Variants in STAB2 observed in about 807,000 individuals in gnomAD.
STAB2 encodes stabilin 2, also known as stabilin-2.
Under a neutral mutation model 338.1 loss-of-function variants are expected in STAB2, and 288 were observed. The ratio of observed to expected loss-of-function variants is 0.85; its 90% CI spans 0.77 to 0.94. STAB2 has a LOEUF of 0.94. Ranked by LOEUF, STAB2 falls within the 40% of genes least tolerant of loss-of-function variation. The pLI is 0.00. For synonymous variants in STAB2, 1,202 were observed against 1,193.3 expected, an observed-to-expected ratio of 1.01 and a Z score of -0.15; for missense variants, 3,141 against 3,210.1, an observed-to-expected ratio of 0.98 and a Z score of 0.52.
intron 42 of STAB2, among the ~76,000 whole-genome samples, chr12:103,715,179 C>T (rs1003143259): frequency 2.0e-5 from 3 of 152,186 alleles, no homozygotes; most frequent in African/African-American, 7.2e-5. Context: ...GTTATACATT[C>T]AAGGCCCAAA....
chr12:103,657,578 TG>T (rs542295556), intron 15 of STAB2: 61 of 152,326 alleles, frequency 4.0e-4, no homozygotes, highest in African/African-American at 1.3e-3. Flanking sequence ...ATTTATAGCT[TG>T]AAATAAGCCT....
At chr12:103,764,935 T>TAAAAATACAG (rs71097997) in intron 68 of STAB2, among the ~76,000 whole-genome samples, 43,025 of 151,154 alleles carry the variant, frequency 0.28, 6,297 homozygotes, top group South Asian at 0.47. Context: ...CCATGTCTAC[T>TAAAAATACAG]AAATTAGGCA....
chr12:103,678,173 C>T (rs1472953333), intron 25 of STAB2, among the ~76,000 whole-genome samples: 6 of 152,298 alleles, frequency 3.9e-5, no homozygotes, highest in South Asian at 2.1e-4. Flanking sequence ...TCAGAACACA[C>T]GGAAGATGGG....
intron 54 of STAB2, 112 bp from the exon 55 acceptor site, chr12:103,740,518 C>A: frequency 7.0e-7 from 1 of 1,438,586 alleles, no homozygotes; most frequent in South Asian, 1.4e-5. Flanking sequence ...CACTGGAAGT[C>A]CCATTTTTTA....
chr12:103,679,345 G>A (rs1167222062), intron 25 of STAB2, among the ~76,000 whole-genome samples: 1 of 151,938 alleles, frequency 6.6e-6, no homozygotes, highest in Non-Finnish European at 1.5e-5. Flanking sequence ...TCCAGCCTGG[G>A]CAACAAGAGC....
Position 103,724,959 on chromosome 12 carries a change from T to C in STAB2, c.4684-16T>C. ...TGGTCTAATCCCCATCCCTTGCCCC[T>C]TGGCAATTTTACCAGAAAAATGGCG... is the stretch of plus-strand genomic sequence containing the variant. On this transcript the variant is annotated splice_polypyrimidine_tract_variant and intron_variant, in intron 44 of 68. Coordinates refer to ENST00000388887, the MANE Select transcript of STAB2 (RefSeq NM_017564.10). 6.2e-7 allele frequency: 1 copy of C among 1,612,776 alleles called. No homozygotes were observed. The highest frequency in any genetic ancestry group is 8.5e-7 in the Non-Finnish European group (1 of 1,178,804).
chr12:103,594,188 T>C (rs1180952862), intron 2 of STAB2, among the ~76,000 whole-genome samples: 2 of 152,240 alleles, frequency 1.3e-5, no homozygotes, highest in African/African-American at 4.8e-5. Context: ...GTATGTTCAT[T>C]GTTCTCTGAT....
chr12:103,642,546 G>A (rs1873003646), intron 9 of STAB2, among the ~76,000 whole-genome samples: 1 of 152,232 alleles, frequency 6.6e-6, no homozygotes, highest in South Asian at 2.1e-4. Flanking sequence ...ATGGTACAGT[G>A]GCAAGAGACA....
At chr12:103,645,897 G>T (rs1873293714) in intron 9 of STAB2, among the ~76,000 whole-genome samples, 2 of 151,948 alleles carry the variant, frequency 1.3e-5, no homozygotes, top group Non-Finnish European at 1.5e-5. Flanking sequence ...CTGGGGAGGG[G>T]GGGCAAAATT....
intron 53 of STAB2, among the ~76,000 whole-genome samples, chr12:103,738,274 C>A (rs1882315013): frequency 6.6e-6 from 1 of 152,170 alleles, no homozygotes; most frequent in Non-Finnish European, 1.5e-5. Flanking sequence ...ATTCATTTGA[C>A]AATATTGATT....
chr12:103,702,018 ACACACC>A (rs1322567641), intron 34 of STAB2, among the ~76,000 whole-genome samples: 9 of 132,268 alleles, frequency 6.8e-5, no homozygotes, highest in African/African-American at 2.3e-4. Context: ...ACACACACAC[ACACACC>A]CCACCCCAAT....
At chr12:103,763,210 AG>A in intron 67 of STAB2, 1 of 339,586 alleles carries the variant, frequency 2.9e-6, no homozygotes, top group East Asian at 5.6e-5. Flanking sequence ...CCTGGGTGGC[AG>A]GCACCAGCAG....
intron 5 of STAB2, 32 bp from the exon 6 acceptor site, chr12:103,631,566 G>A: frequency 6.3e-7 from 1 of 1,591,668 alleles, no homozygotes; most frequent in Non-Finnish European, 8.6e-7. Flanking sequence ...GTCTATGTCA[G>A]GTAATAAAAA....
Position 103,703,220 on chromosome 12 carries a change from A to G in STAB2, c.3787A>G (p.Lys1263Glu). The G allele has an allele frequency of 6.2e-7, 1 of 1,614,078 alleles. No individual in the cohort carries two copies. The highest frequency in any genetic ancestry group is 2.2e-5 in the East Asian group (1 of 44,878). The part of the protein sequence containing the change: ...TDKGVIHGLG[K>E]VLEIQKNRCD... ...TAAGGGAGTGATCCATGGCTTGGGA[A>G]AAGTTCTGGAAATTCAGAAGAACAG... is the stretch of plus-strand genomic sequence containing the variant. Residue 1263 changes from lysine to glutamate, a missense_variant, in exon 35 of 69, where the codon AAA becomes GAA. By Grantham distance (56) the Lys-to-Glu change is moderately conservative. Transcript: ENST00000388887.
rs370313010 is a variant in STAB2 at position 103,692,831 on chromosome 12, C to A, written c.3317C>A (p.Ala1106Asp). The A allele has an allele frequency of 1.4e-5, 22 of 1,613,450 alleles. No individual in the cohort carries two copies. In the African/African-American group the frequency reaches 2.5e-4, roughly 19 times the overall value. ...KVDGNITIEGASIVDGDNAAT... is the reference protein window; with the variant it reads ...KVDGNITIEGDSIVDGDNAAT... ...TTACAGAATATCACAATTGAAGGGG[C>A]CTCCATTGTCGATGGGGACAACGCA... Residue 1106 changes from alanine to aspartate, a missense_variant, in exon 31 of 69, where the codon GCC becomes GAC. Coordinates refer to ENST00000388887, the MANE Select transcript of STAB2 (RefSeq NM_017564.10).
intron 43 of STAB2, among the ~76,000 whole-genome samples, chr12:103,716,644 C>G (rs1287039579): frequency 6.6e-6 from 1 of 152,140 alleles, no homozygotes; most frequent in Non-Finnish European, 1.5e-5. Context: ...AAAAAATTGT[C>G]TTGAAAGAAC....
At position 103,706,977 on chromosome 12, in the gene STAB2, C is replaced by T; in HGVS notation, c.4182C>T (p.His1394=). The change falls in exon 38 of 69, where the codon CAC becomes CAT. Residue 1394 remains histidine, a synonymous_variant. Transcript: ENST00000388887. ...ETCTEGKYGI[H]CDQACSCVHG... Reference sequence around the variant, plus strand: ...GCACCGAGGGCAAGTACGGCATCCACTGTGACCAAGGTGAGCACCGTCCTC... The same window carrying T: ...GCACCGAGGGCAAGTACGGCATCCATTGTGACCAAGGTGAGCACCGTCCTC... The T allele has an allele frequency of 6.2e-7, 1 of 1,614,202 alleles. No individual in the cohort carries two copies. The highest frequency in any genetic ancestry group is 8.5e-7 in the Non-Finnish European group (1 of 1,180,040).
At chr12:103,654,373 A>G (rs1168348055) in intron 12 of STAB2, among the ~76,000 whole-genome samples, 182 bp from the exon 13 acceptor site, 3 of 152,218 alleles carry the variant, frequency 2.0e-5, no homozygotes, top group Admixed American at 2.0e-4. Context: ...GATCTTAATG[A>G]AAACCCTGTG....
chr12:103,646,693 G>A (rs534867251), intron 9 of STAB2, among the ~76,000 whole-genome samples: 33 of 152,172 alleles, frequency 2.2e-4, no homozygotes, highest in Non-Finnish European at 4.3e-4. Context: ...TACCTAGAAG[G>A]TTCCTAGAAT....
Sources: gnomAD v4.1 joint callset for allele counts (sites outside exome capture counted in the v4.1 genomes callset) on GRCh38, gnomAD v4.1.1 for gene constraint, MANE v1.5 for transcripts, NCBI Gene and HGNC (gene_info 2026-07-23, HGNC 2026-07-21) for gene names.